DNAH11: variants seen among roughly 807,000 people sequenced by gnomAD.
DNAH11 encodes axonemal beta dynein heavy chain 11.
In DNAH11, 442 loss-of-function variants were observed where a neutral mutation model predicts 526.0. The ratio of observed to expected loss-of-function variants is 0.84; its 90% confidence interval spans 0.78 to 0.91. The LOEUF (loss-of-function observed/expected upper bound fraction) is 0.91, where lower values mean the gene tolerates loss of function less well. Ranked by LOEUF, DNAH11 falls within the 40% of genes least tolerant of loss-of-function variation. DNAH11 has a pLI of 0.00. For missense variants in DNAH11, 6,989 were observed against 5,448.7 expected (o/e 1.28, Z -8.90); for synonymous variants, 2,461 against 1,935.9 (o/e 1.27, Z -7.12).
chr7:21,637,691 T>C lies in DNAH11; in HGVS notation c.4806T>C (p.Asp1602=). 2 of 1,560,118 alleles carry C rather than the reference T, an allele frequency of 1.3e-6. No homozygotes were observed. The highest frequency in any genetic ancestry group is 1.7e-6 in the Non-Finnish European group (2 of 1,151,532). ...CRPNLYEKLK[D]LQSRLSLCEK... ...CTAATCTCTATGAAAAACTTAAAGA[T>C]TTACAGTCCAGGTAAGAATAAAGCT... The change falls in exon 27 of 82, where the codon GAT becomes GAC. Residue 1602 remains aspartate (D), a synonymous_variant. Transcript: ENST00000409508.
chr7:21,839,144 G>A (rs1782107733), intron 65 of DNAH11, among the ~76,000 whole-genome samples: 1 of 152,068 alleles, frequency 6.6e-6, no homozygotes, highest in South Asian at 2.1e-4. Flanking sequence ...TTCTTCTTTG[G>A]AGAAATGTTT....
chr7:21,617,810 T>G (rs753975616), intron 23 of DNAH11, 33 bp downstream of exon 23: 26 of 1,534,974 alleles, frequency 1.7e-5, no homozygotes, highest in Middle Eastern at 1.7e-4. Context: ...ATGAACCTTT[T>G]TATGACTGTG....
At chr7:21,824,329 C>T (rs1790182718) in intron 65 of DNAH11, among the ~76,000 whole-genome samples, 1 of 152,106 alleles carries the variant, frequency 6.6e-6, no homozygotes, top group Non-Finnish European at 1.5e-5. Context: ...GACAATTCTG[C>T]CTCCACTTCC....
chr7:21,831,002 C>A (rs1027932188), intron 65 of DNAH11, among the ~76,000 whole-genome samples: 3 of 152,142 alleles, frequency 2.0e-5, no homozygotes, highest in Admixed American at 2.0e-4. Context: ...TATAAAAATC[C>A]TATGGGAGCA....
rs191522685 is a variant in DNAH11, at chr7:21,594,763, G to C, written c.2667+3186G>C. Among the ~76,000 whole-genome samples, 9 of 152,238 alleles carry C rather than the reference G, an allele frequency of 5.9e-5. No homozygotes were observed. The East Asian group carries it at 1.7e-3, about 30-fold the overall frequency. On this transcript the variant is annotated intron_variant, in intron 14 of 81. Transcript: ENST00000409508. ...GTGTGGGGGGAGTAGAGGGAGCTGA[G>C]TGGAGAGTTGCTGAGGTGAGGTCAG...
Position 21,588,533 on chromosome 7 carries a change from C to G in DNAH11, c.1870C>G (p.Leu624Val). The part of the protein sequence containing the change: ...MKQIECGHVV[L>V]NKNMPFTSGN... ...GCAGATTGAATGTGGTCATGTAGTT[C>G]TTAACAAGAACATGCCATTTACCTC... Residue 624 changes from leucine (L) to valine (V), a missense_variant, in exon 11 of 82, where the codon CTT becomes GTT. Physicochemically the swap from Leu to Val is conservative, Grantham distance 32. Coordinates refer to ENST00000409508, the MANE Select transcript of DNAH11 (RefSeq NM_001277115.2). 2 of 1,613,668 alleles carry G rather than the reference C, an allele frequency of 1.2e-6. No individual in the cohort carries two copies. Among genetic ancestry groups the G allele is most frequent in the East Asian group, 4.5e-5 (2 of 44,852 alleles).
chr7:21,691,807 C>T (rs1350218873), intron 35 of DNAH11, among the ~76,000 whole-genome samples: 1 of 152,098 alleles, frequency 6.6e-6, no homozygotes, highest in Non-Finnish European at 1.5e-5. Context: ...CTTAACCATT[C>T]ACTGTTGTCT....
intron 30 of DNAH11, among the ~76,000 whole-genome samples, chr7:21,676,753 G>C (rs1390987898): frequency 1.3e-5 from 2 of 152,190 alleles, no homozygotes; most frequent in Non-Finnish European, 2.9e-5. Flanking sequence ...TATTACTGTT[G>C]TTACAATCAA....
At chr7:21,877,332 C>G (rs371595189) in intron 74 of DNAH11, among the ~76,000 whole-genome samples, 1 of 152,176 alleles carries the variant, frequency 6.6e-6, no homozygotes, top group Admixed American at 6.5e-5. Context: ...GCCTCAGCCT[C>G]CTGAGTAGCT....
chr7:21,600,728 A>G lies in DNAH11; in HGVS notation c.3053A>G (p.Asn1018Ser). ...GLAEVRQEIMNRVVNVINKVL... is the reference protein window; with the variant it reads ...GLAEVRQEIMSRVVNVINKVL... ...GCAGAGGTCAGGCAGGAGATCATGAACAGAGTGGTGAATGTCATCAACAAA... is the reference window on the plus strand; with the variant it reads ...GCAGAGGTCAGGCAGGAGATCATGAGCAGAGTGGTGAATGTCATCAACAAA... The change falls in exon 16 of 82, where the codon AAC becomes AGC. Residue 1018 changes from asparagine to serine, a missense_variant. Asn to Ser is a conservative substitution (Grantham distance 46, BLOSUM62 1). Transcript: ENST00000409508. 6.2e-7 allele frequency: 1 copy of G among 1,613,846 alleles called. No individual in the cohort carries two copies. Among genetic ancestry groups the G allele is most frequent in the South Asian group, 1.1e-5 (1 of 91,056 alleles).
intron 45 of DNAH11, among the ~76,000 whole-genome samples, chr7:21,729,212 C>G (rs1306579885): frequency 6.6e-6 from 1 of 152,154 alleles, no homozygotes; most frequent in African/African-American, 2.4e-5. Flanking sequence ...ATTGTCTTGT[C>G]CTGTAGAATC....
At chr7:21,588,680 C>G (rs190630855) in intron 11 of DNAH11, 44 bp downstream of exon 11, 1 of 1,594,918 alleles carries the variant, frequency 6.3e-7, no homozygotes, top group Admixed American at 1.7e-5. Flanking sequence ...TCTAATGGTA[C>G]GGGTGACATT....
chr7:21,568,328 T>C (rs186437931), intron 6 of DNAH11, among the ~76,000 whole-genome samples: 2 of 152,264 alleles, frequency 1.3e-5, no homozygotes, highest in East Asian at 3.9e-4. Flanking sequence ...TGCTCCAGAC[T>C]GGGTACTGTG....
At chr7:21,683,762 G>T (rs1248804935) in intron 31 of DNAH11, 22 bp from the exon 32 acceptor site, 1 of 1,563,594 alleles carries the variant, frequency 6.4e-7, no homozygotes. Context: ...TCCTGCGTAT[G>T]ATGATTATGC....
At chr7:21,732,456 G>T (rs78099385) in intron 45 of DNAH11, among the ~76,000 whole-genome samples, 22 of 152,238 alleles carry the variant, frequency 1.4e-4, no homozygotes, top group East Asian at 1.2e-3. Flanking sequence ...CGACATGAAT[G>T]TTGGGGGGAC....
chr7:21,698,589 T>C (rs1783944720), intron 36 of DNAH11, among the ~76,000 whole-genome samples: 1 of 152,202 alleles, frequency 6.6e-6, no homozygotes. Flanking sequence ...CATTCCTGAG[T>C]TACTTTACTA....
At chr7:21,691,804 A>G (rs1286995064) in intron 35 of DNAH11, among the ~76,000 whole-genome samples, 1 of 152,188 alleles carries the variant, frequency 6.6e-6, no homozygotes, top group Non-Finnish European at 1.5e-5. Flanking sequence ...TTTCTTAACC[A>G]TTCACTGTTG....
intron 1 of DNAH11, among the ~76,000 whole-genome samples, chr7:21,544,455 G>T (rs959723613): frequency 6.6e-6 from 1 of 152,076 alleles, no homozygotes; most frequent in Non-Finnish European, 1.5e-5. Flanking sequence ...AAATAAGTTT[G>T]TCAGTAGACA....
chr7:21,584,637 G>A (rs531028211), intron 9 of DNAH11, among the ~76,000 whole-genome samples: 1 of 152,186 alleles, frequency 6.6e-6, no homozygotes, highest in Non-Finnish European at 1.5e-5. Flanking sequence ...GTGAAACTCA[G>A]GTGCCAGCCA....
Sources: gnomAD v4.1 joint callset for allele counts (sites outside exome capture counted in the v4.1 genomes callset) on GRCh38, gnomAD v4.1.1 for gene constraint, MANE v1.5 for transcripts, NCBI Gene and HGNC (gene_info 2026-07-23, HGNC 2026-07-21) for gene names.